The following VTA1 variants were observed in gnomAD, a reference collection of about 807,000 sequenced individuals.
VTA1 encodes the protein vesicle trafficking 1.
VTA1 carries 24 observed loss-of-function variants against 36.9 expected under a neutral mutation model. The ratio of observed to expected loss-of-function variants is 0.65; its 90% confidence interval spans 0.47 to 0.91. The LOEUF is 0.91. Ranked by LOEUF, VTA1 falls within the 40% of genes least tolerant of loss-of-function variation. VTA1 has a pLI of 0.00. For missense variants in VTA1, 393 were observed against 377.2 expected (o/e 1.04, Z -0.35); for synonymous variants, 142 against 130.2 (o/e 1.09, Z -0.62).
At chr6:142,165,854 A>G (rs953239284) in intron 1 of VTA1, among the ~76,000 whole-genome samples, 1 of 152,228 alleles carries the variant, frequency 6.6e-6, no homozygotes. Flanking sequence ...CCCATTTTGA[A>G]TATTTTGTCA....
intron 1 of VTA1, among the ~76,000 whole-genome samples, chr6:142,163,250 A>C (rs1774843959): frequency 6.6e-6 from 1 of 152,076 alleles, no homozygotes; most frequent in Non-Finnish European, 1.5e-5. Context: ...TTTGTAGCCC[A>C]AGATAGGTAC....
chr6:142,198,864 T>C (rs1775623027), intron 6 of VTA1: 2 of 267,870 alleles, frequency 7.5e-6, no homozygotes, highest in Non-Finnish European at 1.4e-5. Flanking sequence ...ATTAATAAGA[T>C]TGGTTTCCAT....
intron 7 of VTA1, among the ~76,000 whole-genome samples, chr6:142,217,822 C>T (rs953797106): frequency 6.6e-6 from 1 of 151,084 alleles, no homozygotes; most frequent in African/African-American, 2.4e-5. Context: ...CAAGGAAATT[C>T]GTATCTTAGA....
intron 2 of VTA1, 31 bp downstream of exon 2, chr6:142,166,353 G>T: frequency 1.0e-5 from 15 of 1,479,364 alleles, no homozygotes; most frequent in Non-Finnish European, 1.3e-5. Flanking sequence ...TTATTTTCTG[G>T]TTATGGTTAA....
intron 4 of VTA1, among the ~76,000 whole-genome samples, chr6:142,181,078 G>GAA (rs1162412059): frequency 0.019 from 955 of 51,142 alleles, 22 homozygotes; most frequent in East Asian, 0.065. Flanking sequence ...AAATGGTACA[G>GAA]AAAAAAAAAA....
At position 142,160,638 on chromosome 6, in the gene VTA1, T is replaced by C. The variant is rs1931998; in HGVS notation, c.113-5590T>C. Among the ~76,000 whole-genome samples, 43 of 152,270 alleles carry C rather than the reference T, an allele frequency of 2.8e-4. No individual in the cohort carries two copies. The East Asian group carries it at 7.6e-3, about 27-fold the overall frequency. On this transcript the variant is annotated intron_variant, in intron 1 of 7. Coordinates refer to ENST00000367630, the MANE Select transcript of VTA1 (RefSeq NM_016485.5). Reference sequence around the variant, plus strand: ...TGTGCCTCCGGGCAGAATGCTGGGCTGATCATTGGTGCCACCTCATTTGTT... The same window carrying C: ...TGTGCCTCCGGGCAGAATGCTGGGCCGATCATTGGTGCCACCTCATTTGTT...
At chr6:142,201,230 A>G (rs965681775) in intron 6 of VTA1, among the ~76,000 whole-genome samples, 37 of 151,890 alleles carry the variant, frequency 2.4e-4, no homozygotes, top group Non-Finnish European at 1.5e-5. Context: ...TTGCCTAATA[A>G]AAAACAAAAT....
chr6:142,161,085 C>CA (rs972432597), intron 1 of VTA1, among the ~76,000 whole-genome samples: 1 of 141,072 alleles, frequency 7.1e-6, no homozygotes, highest in Non-Finnish European at 1.5e-5. Flanking sequence ...CCTTCCCCCC[C>CA]CCCCCTTTTT....
At chr6:142,204,152 T>G in intron 7 of VTA1, 87 bp downstream of exon 7, 2 of 1,130,980 alleles carry the variant, frequency 1.8e-6, no homozygotes, top group African/African-American at 1.6e-5. Context: ...TACCATATAT[T>G]TAAATGTTGT....
At chr6:142,211,731 G>T (rs1056582438) in intron 7 of VTA1, among the ~76,000 whole-genome samples, 1 of 145,250 alleles carries the variant, frequency 6.9e-6, no homozygotes, top group Non-Finnish European at 1.5e-5. Context: ...AAAAAAAAAT[G>T]AAAGGACAAG....
At chr6:142,201,399 G>C (rs754053305) in intron 6 of VTA1, among the ~76,000 whole-genome samples, 1 of 151,942 alleles carries the variant, frequency 6.6e-6, no homozygotes, top group Non-Finnish European at 1.5e-5. Context: ...GCAGTTTTTA[G>C]TTCTTCCACA....
intron 1 of VTA1, among the ~76,000 whole-genome samples, chr6:142,152,272 G>A (rs1186589828): frequency 1.3e-5 from 2 of 151,898 alleles, no homozygotes; most frequent in Non-Finnish European, 2.9e-5. Flanking sequence ...AGTAATGATG[G>A]GGTAACAAAT....
chr6:142,210,561 G>C (rs1476301163), intron 7 of VTA1, among the ~76,000 whole-genome samples: 1 of 152,072 alleles, frequency 6.6e-6, no homozygotes, highest in African/African-American at 2.4e-5. Context: ...GAATATATAA[G>C]GAACTCAGAC....
At chr6:142,157,740 A>G (rs1582876275) in intron 1 of VTA1, among the ~76,000 whole-genome samples, 1 of 152,138 alleles carries the variant, frequency 6.6e-6, no homozygotes, top group Non-Finnish European at 1.5e-5. Context: ...GTAGATTTCA[A>G]TAACTATGCT....
intron 1 of VTA1, among the ~76,000 whole-genome samples, chr6:142,149,972 T>G (rs1309211005): frequency 6.6e-6 from 1 of 152,186 alleles, no homozygotes; most frequent in Non-Finnish European, 1.5e-5. Context: ...TATCTCTTTG[T>G]CTTTCTGTGC....
intron 1 of VTA1, among the ~76,000 whole-genome samples, chr6:142,159,224 C>T (rs1774730072): frequency 6.6e-6 from 1 of 151,812 alleles, no homozygotes; most frequent in Non-Finnish European, 1.5e-5. Flanking sequence ...ATTACCCAGA[C>T]ATGGTGTCCC....
At chr6:142,212,086 G>A (rs1241547356) in intron 7 of VTA1, among the ~76,000 whole-genome samples, 1 of 152,164 alleles carries the variant, frequency 6.6e-6, no homozygotes, top group African/African-American at 2.4e-5. Flanking sequence ...AAATGATACA[G>A]CCATTTTAAA....
intron 7 of VTA1, among the ~76,000 whole-genome samples, chr6:142,207,583 A>T (rs1025287244): frequency 1.3e-5 from 2 of 152,114 alleles, no homozygotes; most frequent in Admixed American, 1.3e-4. Context: ...AGCTGAGGCA[A>T]ACCTGGGCTT....
chr6:142,169,551 TA>T lies in VTA1; in HGVS notation c.212del (p.Lys71ArgfsTer14). On this transcript the variant is annotated frameshift_variant and splice_region_variant, in exon 3 of 8. Transcript: ENST00000367630. LOFTEE classifies it high-confidence loss of function. Reference protein sequence around the residue: ...LSKLMDQLEALKKQLGDNEAI... With the variant: ...LSKLMDQLEAXKKQLGDNEAI... Reference sequence around the variant, plus strand: ...GCTATGTATCTGATTTTATTTTAGCTAAAGAAGCAGTTGGGTGATAATGAAG... The same window carrying T: ...GCTATGTATCTGATTTTATTTTAGCTAAGAAGCAGTTGGGTGATAATGAAG... 1 of 1,606,618 alleles carries T rather than the reference TA, an allele frequency of 6.2e-7. No homozygotes were observed. Among genetic ancestry groups the T allele is most frequent in the Non-Finnish European group, 8.5e-7 (1 of 1,178,424 alleles).
Sources: gnomAD v4.1 joint callset for allele counts (sites outside exome capture counted in the v4.1 genomes callset) on GRCh38, gnomAD v4.1.1 for gene constraint, MANE v1.5 for transcripts, NCBI Gene and HGNC (gene_info 2026-07-23, HGNC 2026-07-21) for gene names.